The following BTBD9 variants were observed in gnomAD, a reference collection of about 807,000 sequenced individuals.
BTBD9 encodes BTB domain containing 9, also known as BTB/POZ domain-containing protein 9.
BTBD9 carries 49 observed loss-of-function variants against 64.3 expected under a neutral mutation model. That is an observed-to-expected ratio of 0.76 (90% CI 0.61 to 0.97). The LOEUF is 0.97. Among genes scored for constraint, BTBD9 ranks in the 50% least tolerant of loss-of-function variants. The pLI, the probability that BTBD9 is intolerant of heterozygous loss-of-function variation, is 0.00. For missense variants in BTBD9, 598 were observed against 762.1 expected, an observed-to-expected ratio of 0.78 and a Z score of 2.53; for synonymous variants, 260 against 274.7, an observed-to-expected ratio of 0.95 and a Z score of 0.53.
chr6:38,200,028 C>T (rs1762404754), intron 9 of BTBD9, among the ~76,000 whole-genome samples: 1 of 152,220 alleles, frequency 6.6e-6, no homozygotes, highest in Non-Finnish European at 1.5e-5. Flanking sequence ...TGAAGCCAGA[C>T]CTGAGGTCAG....
chr6:38,463,127 A>C (rs1770180469), intron 6 of BTBD9, among the ~76,000 whole-genome samples: 1 of 152,156 alleles, frequency 6.6e-6, no homozygotes, highest in Non-Finnish European at 1.5e-5. Flanking sequence ...TTTTCCCCTA[A>C]GTATTTCAAA....
At chr6:38,460,801 T>G (rs1243507838) in intron 6 of BTBD9, among the ~76,000 whole-genome samples, 1 of 152,116 alleles carries the variant, frequency 6.6e-6, no homozygotes, top group Non-Finnish European at 1.5e-5. Context: ...CTTTTGTATT[T>G]TAGTAGAGAC....
intron 7 of BTBD9, among the ~76,000 whole-genome samples, chr6:38,310,936 TAGCTG>T (rs893592896): frequency 1.3e-5 from 2 of 152,178 alleles, no homozygotes; most frequent in Non-Finnish European, 2.9e-5. Context: ...GCCTCCTGAG[TAGCTG>T]AGTTTACAGG....
intron 6 of BTBD9, among the ~76,000 whole-genome samples, chr6:38,348,980 C>T (rs934202420): frequency 6.6e-6 from 1 of 152,130 alleles, no homozygotes; most frequent in Non-Finnish European, 1.5e-5. Context: ...ATGATCATGC[C>T]TCACTGCAGC....
chr6:38,452,906 A>G (rs1363736845), intron 6 of BTBD9, among the ~76,000 whole-genome samples: 1 of 152,234 alleles, frequency 6.6e-6, no homozygotes, highest in East Asian at 1.9e-4. Context: ...AAGGACATCA[A>G]TTCACATAAA....
chr6:38,193,700 T>C (rs1429065292), intron 9 of BTBD9: 8 of 519,106 alleles, frequency 1.5e-5, no homozygotes, highest in Non-Finnish European at 2.0e-5. Flanking sequence ...TCACAGTTGC[T>C]GCCATCCCTC....
chr6:38,385,352 G>A (rs528930827), intron 6 of BTBD9, among the ~76,000 whole-genome samples: 127 of 151,608 alleles, frequency 8.4e-4, no homozygotes, highest in Non-Finnish European at 1.2e-3. Context: ...ACCACACCTG[G>A]CTAATTTTTG....
intron 7 of BTBD9, among the ~76,000 whole-genome samples, chr6:38,330,379 C>T (rs1763626991): frequency 6.6e-6 from 1 of 152,034 alleles, no homozygotes; most frequent in African/African-American, 2.4e-5. Flanking sequence ...CTACCTTTGC[C>T]AACAGGATTT....
chr6:38,392,619 A>C (rs1183483376), intron 6 of BTBD9, among the ~76,000 whole-genome samples: 2 of 152,242 alleles, frequency 1.3e-5, no homozygotes, highest in Non-Finnish European at 2.9e-5. Flanking sequence ...CATACTAAAA[A>C]GAAAAAGTTT....
intron 6 of BTBD9, among the ~76,000 whole-genome samples, chr6:38,476,587 G>A (rs891797458): frequency 1.3e-5 from 2 of 152,116 alleles, no homozygotes; most frequent in Non-Finnish European, 2.9e-5. Flanking sequence ...TCATGTCGTC[G>A]TCTTTTACCA....
intron 8 of BTBD9, among the ~76,000 whole-genome samples, chr6:38,266,515 G>C (rs1764976700): frequency 6.6e-6 from 1 of 151,890 alleles, no homozygotes; most frequent in Non-Finnish European, 1.5e-5. Context: ...GGGGGTTGCA[G>C]GGAGCCGAGA....
At chr6:38,265,423 T>C (rs965693398) in intron 8 of BTBD9, among the ~76,000 whole-genome samples, 2 of 151,954 alleles carry the variant, frequency 1.3e-5, no homozygotes, top group African/African-American at 2.4e-5. Context: ...ATGGAGAATA[T>C]GCCTGGAGGA....
chr6:38,586,679 A>T (rs939302734), intron 4 of BTBD9, among the ~76,000 whole-genome samples: 1 of 152,228 alleles, frequency 6.6e-6, no homozygotes, highest in Non-Finnish European at 1.5e-5. Flanking sequence ...TCAAGTCGTC[A>T]GCCCAGGAAC....
chr6:38,588,398 G>A (rs1056586227), intron 4 of BTBD9: 23 of 821,800 alleles, frequency 2.8e-5, no homozygotes, highest in Non-Finnish European at 4.0e-5. Context: ...AGCCAACCTG[G>A]GGCCTATAGA....
chr6:38,414,270 G>A (rs1313563899), intron 6 of BTBD9, among the ~76,000 whole-genome samples: 2 of 152,100 alleles, frequency 1.3e-5, no homozygotes, highest in Non-Finnish European at 2.9e-5. Context: ...CCTGCTATCT[G>A]GAATAGGAAG....
At chr6:38,599,169 C>T (rs576283540) in intron 1 of BTBD9, among the ~76,000 whole-genome samples, 3 of 152,192 alleles carry the variant, frequency 2.0e-5, no homozygotes, top group African/African-American at 7.2e-5. Flanking sequence ...TGCCTTTCTA[C>T]AAAATTAACT....
intron 6 of BTBD9, among the ~76,000 whole-genome samples, chr6:38,374,307 GTATATATATA>G: frequency 1.7e-5 from 1 of 59,092 alleles, no homozygotes; most frequent in African/African-American, 7.9e-5. Context: ...GTATATATAT[GTATATATATA>G]TATATATATG....
At chr6:38,239,237 C>A (rs1212563519) in intron 9 of BTBD9, among the ~76,000 whole-genome samples, 2 of 151,892 alleles carry the variant, frequency 1.3e-5, no homozygotes, top group Non-Finnish European at 2.9e-5. Flanking sequence ...GTCAAGAGAT[C>A]GAGACCATCC....
At chr6:38,239,124 C>A (rs1763900987) in intron 9 of BTBD9, among the ~76,000 whole-genome samples, 1 of 152,082 alleles carries the variant, frequency 6.6e-6, no homozygotes, top group Non-Finnish European at 1.5e-5. Context: ...AGTGCAAGTT[C>A]ACTTTACACT....
Sources: allele counts gnomAD v4.1 joint callset (sites outside exome capture counted in the v4.1 genomes callset), GRCh38; gene constraint gnomAD v4.1.1; transcripts MANE v1.5; gene names NCBI Gene and HGNC (gene_info 2026-07-23, HGNC 2026-07-21).